PXDNL: variants seen among roughly 807,000 people sequenced by gnomAD.
PXDNL encodes the protein probable oxidoreductase PXDNL.
PXDNL carries 145 observed loss-of-function variants against 150.8 expected under a neutral mutation model. That is an observed-to-expected ratio of 0.96 (90% CI 0.84 to 1.10). The LOEUF is 1.10. Ranked by LOEUF, PXDNL falls within the 50% of genes least tolerant of loss-of-function variation. The pLI, the probability that PXDNL is intolerant of heterozygous loss-of-function variation, is 0.00. For synonymous variants in PXDNL, 757 were observed against 725.7 expected, an observed-to-expected ratio of 1.04 and a Z score of -0.69; for missense variants, 2,087 against 1,873.9, an observed-to-expected ratio of 1.11 and a Z score of -2.10.
chr8:51,621,055 T>C (rs1381533096), intron 2 of PXDNL, among the ~76,000 whole-genome samples: 1 of 152,350 alleles, frequency 6.6e-6, no homozygotes, highest in Non-Finnish European at 1.5e-5. Context: ...TAATATACTA[T>C]GAAATAAAGA....
At chr8:51,698,302 C>T (rs971259316) in intron 1 of PXDNL, among the ~76,000 whole-genome samples, 2 of 152,194 alleles carry the variant, frequency 1.3e-5, no homozygotes, top group Admixed American at 1.3e-4. Flanking sequence ...TTGCTACTGC[C>T]TTATCAACTA....
chr8:51,453,560 C>T lies in PXDNL; in HGVS notation c.1208G>A (p.Ser403Asn), dbSNP rs989996809. 6.2e-7 allele frequency: 1 copy of T among 1,614,002 alleles called. No homozygotes were observed. Among genetic ancestry groups the T allele is most frequent in the Non-Finnish European group, 8.5e-7 (1 of 1,179,876 alleles). Reference sequence around the variant, plus strand: ...TGCTGCAGCTTGAACAGTGCCGTGGCTATTGTTGGCATGACAGGTAAATCG... The same window carrying T: ...TGCTGCAGCTTGAACAGTGCCGTGGTTATTGTTGGCATGACAGGTAAATCG... ...HGRFTCHANN[S>N]HGTVQAAANI... The change falls in exon 10 of 23, where the codon AGC becomes AAC. Residue 403 changes from serine (S) to asparagine (N), a missense_variant. Ser to Asn is a conservative substitution (Grantham distance 46). Coordinates refer to ENST00000356297, the MANE Select transcript of PXDNL (RefSeq NM_144651.5).
intron 2 of PXDNL, among the ~76,000 whole-genome samples, chr8:51,601,302 C>T (rs1367181128): frequency 6.6e-6 from 1 of 151,762 alleles, no homozygotes; most frequent in South Asian, 2.1e-4. Context: ...GATGCTCTGT[C>T]CAATGTTGTC....
intron 2 of PXDNL, among the ~76,000 whole-genome samples, chr8:51,604,253 T>A (rs1813793979): frequency 6.6e-6 from 1 of 152,160 alleles, no homozygotes; most frequent in Admixed American, 6.5e-5. Flanking sequence ...CCAACCCAAA[T>A]GTCCAACAAC....
In PXDNL at chr8:51,453,657, G is replaced by T; in HGVS notation, c.1111C>A (p.Leu371Met). 1 of 1,613,844 alleles carries T rather than the reference G, an allele frequency of 6.2e-7. No homozygotes were observed. Among genetic ancestry groups the T allele is most frequent in the Non-Finnish European group, 8.5e-7 (1 of 1,179,842 alleles). ...GTTGCCACGTGCCTGGATCCATCCA[G>T]CTCCAATCCATTGTCCCTGGTCCAA... ...ITWTRDNGLE[L>M]DGSRHVATSS... is the part of the protein sequence containing the mutation. Residue 371 changes from leucine (L) to methionine (M), a missense_variant, in exon 10 of 23, where the codon CTG becomes ATG. Coordinates refer to ENST00000356297, the MANE Select transcript of PXDNL (RefSeq NM_144651.5).
At chr8:51,383,774 G>A (rs566436076) in intron 17 of PXDNL, among the ~76,000 whole-genome samples, 7 of 152,230 alleles carry the variant, frequency 4.6e-5, no homozygotes, top group Non-Finnish European at 7.4e-5. Context: ...ACCTTGAAAT[G>A]AACTATTTCT....
At chr8:51,565,454 G>C (rs1812805711) in intron 3 of PXDNL, among the ~76,000 whole-genome samples, 1 of 151,796 alleles carries the variant, frequency 6.6e-6, no homozygotes, top group Non-Finnish European at 1.5e-5. Context: ...GCTGATGCAG[G>C]TATCTGGTGA....
intron 8 of PXDNL, among the ~76,000 whole-genome samples, chr8:51,463,734 A>G (rs576861237): frequency 6.6e-6 from 1 of 152,352 alleles, no homozygotes; most frequent in East Asian, 1.9e-4. Flanking sequence ...ATGCAAAAAC[A>G]TCAAAATCAT....
At chr8:51,320,920 G>C in intron 21 of PXDNL, 23 bp from the exon 22 acceptor site, 1 of 1,563,870 alleles carries the variant, frequency 6.4e-7, no homozygotes, top group Non-Finnish European at 8.8e-7. Context: ...GCAAAGGAAA[G>C]AAGAGTGGAA....
At chr8:51,610,436 G>T (rs955642363) in intron 2 of PXDNL, among the ~76,000 whole-genome samples, 4 of 152,054 alleles carry the variant, frequency 2.6e-5, no homozygotes, top group South Asian at 2.1e-4. Context: ...TCAGTCTTCA[G>T]GACTACCAGT....
At chr8:51,613,378 G>C (rs1442378946) in intron 2 of PXDNL, among the ~76,000 whole-genome samples, 2 of 150,370 alleles carry the variant, frequency 1.3e-5, no homozygotes, top group Non-Finnish European at 2.9e-5. Context: ...ACATCAATTT[G>C]AGCGTCACTT....
intron 5 of PXDNL, among the ~76,000 whole-genome samples, chr8:51,496,566 G>T (rs913149761): frequency 1.3e-5 from 2 of 152,096 alleles, no homozygotes; most frequent in Non-Finnish European, 2.9e-5. Context: ...TAAGCTGATA[G>T]GCAACTTCAG....
intron 1 of PXDNL, among the ~76,000 whole-genome samples, chr8:51,683,164 C>CATATATATATATATATATATAT (rs71237228): frequency 2.7e-4 from 12 of 44,458 alleles, no homozygotes; most frequent in East Asian, 2.0e-3. Context: ...AATTGTCTTT[C>CATATATATATATATATATATAT]ATATATATAT....
chr8:51,655,572 C>A (rs892986681), intron 1 of PXDNL, among the ~76,000 whole-genome samples: 2 of 152,078 alleles, frequency 1.3e-5, no homozygotes, highest in African/African-American at 4.8e-5. Flanking sequence ...GAGAACGAGG[C>A]GCCCCACTCC....
At chr8:51,724,044 G>A (rs780561286) in intron 1 of PXDNL, among the ~76,000 whole-genome samples, 37 of 150,584 alleles carry the variant, frequency 2.5e-4, no homozygotes, top group Non-Finnish European at 4.1e-4. Flanking sequence ...GGCATGGAGC[G>A]GAACAGGCCT....
At chr8:51,638,223 C>T (rs186789185) in intron 2 of PXDNL, among the ~76,000 whole-genome samples, 25,503 of 152,110 alleles carry the variant, frequency 0.17, 2,487 homozygotes, top group Non-Finnish European at 0.22. Context: ...AAAGGAACAA[C>T]CGGTACCAGC....
intron 1 of PXDNL, among the ~76,000 whole-genome samples, chr8:51,687,738 A>C (rs914948410): frequency 2.0e-5 from 3 of 152,236 alleles, no homozygotes; most frequent in African/African-American, 7.2e-5. Flanking sequence ...TATTGTAATA[A>C]AGTATGACAA....
intron 4 of PXDNL, among the ~76,000 whole-genome samples, chr8:51,553,065 A>G (rs1285457804): frequency 6.6e-6 from 1 of 152,244 alleles, no homozygotes. Context: ...TAAGTCCACA[A>G]TCCAACAGGG....
Position 51,433,805 on chromosome 8 carries a change from T to C in PXDNL, c.1526-7047A>G, listed in dbSNP as rs577938617. ...ATTAACCAACACCTCATCTCAGATA[T>C]ATAAGAATATTATAAAACTTTAACT... On this transcript the variant is annotated intron_variant, in intron 12 of 22. Transcript: ENST00000356297. 2.2e-4 allele frequency among the ~76,000 whole-genome samples: 33 copies of C among 152,276 alleles called. No individual in the cohort carries two copies. In the South Asian group the frequency reaches 6.8e-3, roughly 32 times the overall value.
Sources: gnomAD v4.1 joint callset for allele counts (sites outside exome capture counted in the v4.1 genomes callset) on GRCh38, gnomAD v4.1.1 for gene constraint, MANE v1.5 for transcripts, NCBI Gene and HGNC (gene_info 2026-07-23, HGNC 2026-07-21) for gene names.